MFN1: variants seen among roughly 807,000 people sequenced by gnomAD.
The protein encoded by MFN1 is mitofusin-1.
In MFN1, 65 loss-of-function variants were observed where a neutral mutation model predicts 92.4. The ratio of observed to expected loss-of-function variants is 0.70; its 90% CI spans 0.58 to 0.86. The LOEUF (loss-of-function observed/expected upper bound fraction) is 0.86. Among genes scored for constraint, MFN1 ranks in the 40% least tolerant of loss-of-function variants. MFN1 has a pLI of 0.00. For synonymous variants in MFN1, 297 were observed against 300.9 expected (o/e 0.99, Z 0.13); for missense variants, 781 against 868.0 (o/e 0.90, Z 1.26).
Position 179,385,680 on chromosome 3 carries a change from A to G in MFN1, c.1774A>G (p.Thr592Ala), listed in dbSNP as rs531868115. 6.2e-7 allele frequency: 1 copy of G among 1,613,864 alleles called. No homozygotes were observed. Among genetic ancestry groups the G allele is most frequent in the South Asian group, 1.1e-5 (1 of 91,024 alleles). Residue 592 changes from threonine (T) to alanine (A), a missense_variant, in exon 15 of 18, where the codon ACA becomes GCA. By Grantham distance (58) the Thr-to-Ala change is moderately conservative. Transcript: ENST00000471841. ...ATTAGTAACAGGATTGGCGTCCGTT[A>G]CATCTAGAACTTCTATGGGCATCAT... ...ITLVTGLASVTSRTSMGIIIV... is the reference protein window; with the variant it reads ...ITLVTGLASVASRTSMGIIIV...
Position 179,393,373 on chromosome 3 carries a change from A to G in MFN1, c.*1314A>G, listed in dbSNP as rs930792447. On this transcript the variant is annotated 3_prime_UTR_variant, in exon 18 of 18. Coordinates refer to ENST00000471841, the MANE Select transcript of MFN1 (RefSeq NM_033540.3). ...CGGGGAACGCAGTACATTTGGCCAC[A>G]TGTAGTTTATGTTTCCTTTTCATGG... is the stretch of plus-strand genomic sequence containing the variant. 2 of 152,160 alleles carry G rather than the reference A, an allele frequency of 1.3e-5. No homozygotes were observed. Among genetic ancestry groups the G allele is most frequent in the Non-Finnish European group, 2.9e-5 (2 of 68,030 alleles). 9.4% of individuals were successfully genotyped at this position (152,160 alleles called of 1,614,324 possible). A position where few individuals can be genotyped will look rare whatever the true frequency, so the allele number is the denominator to read the frequency against.
intron 15 of MFN1, 97 bp from the exon 16 acceptor site, chr3:179,386,336 C>T (rs1713682271): frequency 2.2e-6 from 2 of 922,616 alleles, no homozygotes; most frequent in South Asian, 1.6e-5. Context: ...GAAAATGTAT[C>T]TAACTCAAAG....
intron 14 of MFN1, among the ~76,000 whole-genome samples, chr3:179,379,112 A>AG (rs1713368210): frequency 6.6e-6 from 1 of 152,076 alleles, no homozygotes; most frequent in South Asian, 2.1e-4. Context: ...AGTGTCCTCA[A>AG]GGGAAAAAAG....
At position 179,365,100 on chromosome 3, in the gene MFN1, G is replaced by T. The variant is rs199606937; in HGVS notation, c.646-18G>T. On this transcript the variant is annotated intron_variant, in intron 6 of 17. Transcript: ENST00000471841. ...TAAATTATAGTGAATGTACTGTGGGGTTTTTTTTGTTTTTCAGGAAAAACA... is the reference window on the plus strand; with the variant it reads ...TAAATTATAGTGAATGTACTGTGGGTTTTTTTTTGTTTTTCAGGAAAAACA... The T allele has an allele frequency of 8.1e-4, 1,127 of 1,393,230 alleles. 3 individuals carry two copies. The highest frequency in any genetic ancestry group is 2.2e-3 in the Admixed American group (87 of 38,710). 86.3% of individuals were successfully genotyped at this position (1,393,230 alleles called of 1,614,324 possible).
chr3:179,375,968 G>A (rs537774316), intron 10 of MFN1, among the ~76,000 whole-genome samples: 36 of 152,238 alleles, frequency 2.4e-4, no homozygotes, highest in African/African-American at 8.2e-4. Flanking sequence ...AACACAGATC[G>A]GGATGTTATT....
rs184525646 is a variant in MFN1 at position 179,351,896 on chromosome 3, G to T, written c.113-4G>T. 1.9e-4 allele frequency: 301 copies of T among 1,586,064 alleles called. No homozygotes were observed. Among genetic ancestry groups the T allele is most frequent in the Non-Finnish European group, 2.4e-4 (283 of 1,160,964 alleles). On this transcript the variant is annotated splice_polypyrimidine_tract_variant and splice_region_variant and intron_variant, in intron 2 of 17. Transcript: ENST00000471841. ...ACTTTTCTAATGCCATTTCAATTTT[G>T]CAGCAACATATAAGAATCCGGAACT... is the stretch of plus-strand genomic sequence containing the variant.
chr3:179,391,959 G>A, intron 17 of MFN1, 22 bp from the exon 18 acceptor site: 1 of 1,440,838 alleles, frequency 6.9e-7, no homozygotes, highest in Non-Finnish European at 9.7e-7. Flanking sequence ...TAATTAGATT[G>A]GTGTTTTATT....
chr3:179,359,138 TAGACGGA>T, intron 4 of MFN1, 136 bp downstream of exon 4: 3 of 972,540 alleles, frequency 3.1e-6, no homozygotes, highest in Non-Finnish European at 2.8e-6. Context: ...TTTTTTTTTT[TAGACGGA>T]ATTTCGCTCT....
rs201325936 is a variant in MFN1, at chr3:179,392,801, C to T, written c.*742C>T. 6.6e-6 allele frequency: 1 copy of T among 152,138 alleles called. No homozygotes were observed. Among genetic ancestry groups the T allele is most frequent in the East Asian group, 1.9e-4 (1 of 5,202 alleles). The allele number at this position is 152,138 out of a possible 1,614,324, so 9.4% of individuals were successfully genotyped here. Reference sequence around the variant, plus strand: ...AAAAATAGCCAAAGATAGGAGACGTCTGAATTTTGAATGATAAACAGTGAT... The same window carrying T: ...AAAAATAGCCAAAGATAGGAGACGTTTGAATTTTGAATGATAAACAGTGAT... On this transcript the variant is annotated 3_prime_UTR_variant, in exon 18 of 18. Transcript: ENST00000471841.
chr3:179,388,258 G>A (rs1713768830), intron 16 of MFN1, among the ~76,000 whole-genome samples: 1 of 152,172 alleles, frequency 6.6e-6, no homozygotes, highest in South Asian at 2.1e-4. Context: ...GTCTAAGAAA[G>A]CTGAATGAAT....
At chr3:179,349,511 T>A (rs549641396) in intron 2 of MFN1, among the ~76,000 whole-genome samples, 1 of 141,270 alleles carries the variant, frequency 7.1e-6, no homozygotes, top group East Asian at 2.0e-4. Flanking sequence ...AGGGAATACT[T>A]CTTTTTTTTT....
intron 9 of MFN1, among the ~76,000 whole-genome samples, chr3:179,370,291 T>C (rs1015352859): frequency 6.6e-6 from 1 of 151,812 alleles, no homozygotes; most frequent in African/African-American, 2.4e-5. Flanking sequence ...CACAGACCCT[T>C]AATGGGTTTG....
At chr3:179,382,220 C>T (rs1049769249) in intron 14 of MFN1, among the ~76,000 whole-genome samples, 8 of 152,180 alleles carry the variant, frequency 5.3e-5, no homozygotes, top group African/African-American at 1.9e-4. Context: ...ATCCCTCCTC[C>T]TTCCTCCCAT....
chr3:179,367,933 A>AGT lies in MFN1; in HGVS notation c.908-102_908-101dup, dbSNP rs1712865550. 1.0e-5 allele frequency: 5 copies of AGT among 480,110 alleles called. No homozygotes were observed. In the Admixed American group the frequency reaches 2.1e-4, roughly 20 times the overall value. The allele number at this position is 480,110 out of a possible 1,614,324, so 29.7% of individuals were successfully genotyped here. A position where few individuals can be genotyped will look rare whatever the true frequency, so the allele number is the denominator to read the frequency against. On this transcript the variant is annotated intron_variant, in intron 8 of 17. Transcript: ENST00000471841. ...AGCAAGACTCTGTCTCGGGGGAAAA[A>AGT]GTATATATATATATATATATTTAAA...
At chr3:179,384,366 G>A (rs1713589611) in intron 14 of MFN1, among the ~76,000 whole-genome samples, 1 of 152,204 alleles carries the variant, frequency 6.6e-6, no homozygotes, top group South Asian at 2.1e-4. Context: ...AGTAGTATTC[G>A]TTGTAGGTTT....
At chr3:179,353,325 C>A (rs1344127240) in intron 3 of MFN1, among the ~76,000 whole-genome samples, 1 of 151,704 alleles carries the variant, frequency 6.6e-6, no homozygotes, top group Non-Finnish European at 1.5e-5. Flanking sequence ...CTCGACCTCC[C>A]AAAGTGCTGG....
intron 9 of MFN1, among the ~76,000 whole-genome samples, chr3:179,370,765 TAAAG>T: frequency 6.6e-6 from 1 of 152,340 alleles, no homozygotes; most frequent in African/African-American, 2.4e-5. Flanking sequence ...TGCTTATTCT[TAAAG>T]AAAAGATTCA....
At chr3:179,358,777 C>T in intron 3 of MFN1, 63 bp from the exon 4 acceptor site, 1 of 1,508,962 alleles carries the variant, frequency 6.6e-7, no homozygotes, top group South Asian at 1.3e-5. Flanking sequence ...ATATTAGACC[C>T]AGTGAAAGAA....
rs1713149068 is a variant in MFN1 at position 179,374,370 on chromosome 3, TATATATATAACATATATAACATATATATG to T, written c.976-849_976-821del. Among the ~76,000 whole-genome samples, 5 of 138,700 alleles carry T rather than the reference TATATATATAACATATATAACATATATATG, an allele frequency of 3.6e-5. 2 individuals are homozygous for T. The highest frequency in any genetic ancestry group is 7.3e-5 in the Admixed American group (1 of 13,756). 91.0% of individuals were successfully genotyped at this position (138,700 alleles called of 152,430 possible). On this transcript the variant is annotated intron_variant, in intron 9 of 17. Coordinates refer to ENST00000471841, the MANE Select transcript of MFN1 (RefSeq NM_033540.3). The stretch of plus-strand genomic sequence containing the variant: ...TAACATATATAACATATATATGTAA[TATATATATAACATATATAACATATATATG>T]TAATATATATATATAAGATAACAAG...
Sources: allele counts gnomAD v4.1 joint callset (sites outside exome capture counted in the v4.1 genomes callset), GRCh38; gene constraint gnomAD v4.1.1; transcripts MANE v1.5; gene names NCBI Gene and HGNC (gene_info 2026-07-23, HGNC 2026-07-21).